Variants in SHISA9 observed in about 807,000 individuals in gnomAD.
SHISA9 encodes the protein protein shisa-9.
SHISA9 carries 13 observed loss-of-function variants against 38.0 expected under a neutral mutation model. The ratio of observed to expected loss-of-function variants is 0.34; its 90% CI spans 0.22 to 0.54. SHISA9 has a LOEUF of 0.54. Ranked by LOEUF, SHISA9 falls within the 20% of genes least tolerant of loss-of-function variation. The pLI, the probability that SHISA9 is intolerant of heterozygous loss-of-function variation, is 0.91. For synonymous variants in SHISA9, 275 were observed against 242.0 expected, an observed-to-expected ratio of 1.14 and a Z score of -1.27; for missense variants, 538 against 575.8, an observed-to-expected ratio of 0.93 and a Z score of 0.67.
chr16:12,963,408 T>TG (rs1162112095), intron 2 of SHISA9, among the ~76,000 whole-genome samples: 8 of 152,144 alleles, frequency 5.3e-5, no homozygotes, highest in Admixed American at 2.0e-4. Context: ...TAGCAAGAGA[T>TG]GTGACACAGA....
intron 1 of SHISA9, among the ~76,000 whole-genome samples, chr16:12,905,339 C>T (rs1332949342): frequency 6.6e-6 from 1 of 152,074 alleles, no homozygotes; most frequent in Non-Finnish European, 1.5e-5. Context: ...ATTGAATAAA[C>T]ATCAGGATCT....
chr16:13,520,569 C>T, the SHISA9 span, among the ~76,000 whole-genome samples: 4 of 140,020 alleles, frequency 2.9e-5, no homozygotes, highest in African/African-American at 1.1e-4. Flanking sequence ...CGCCATTGCA[C>T]TCCAGCCTGG....
the SHISA9 span, among the ~76,000 whole-genome samples, chr16:13,268,459 A>G: frequency 5.9e-5 from 9 of 152,314 alleles, no homozygotes; most frequent in East Asian, 9.7e-4. Context: ...CAGTGGGCCA[A>G]GATCGTGCCA....
At chr16:13,427,638 A>T in the SHISA9 span, among the ~76,000 whole-genome samples, 1 of 152,172 alleles carries the variant, frequency 6.6e-6, no homozygotes, top group Admixed American at 6.5e-5. Flanking sequence ...AGAACAGAGG[A>T]TAAGTTGGGA....
the SHISA9 span, among the ~76,000 whole-genome samples, chr16:13,434,967 CTTAA>C: frequency 6.6e-6 from 1 of 152,132 alleles, no homozygotes; most frequent in Non-Finnish European, 1.5e-5. Flanking sequence ...GCCTTTGGGG[CTTAA>C]TTAATAATCC....
At chr16:12,938,617 C>T (rs6498366) in intron 2 of SHISA9, among the ~76,000 whole-genome samples, 19,409 of 152,060 alleles carry the variant, frequency 0.13, 1,528 homozygotes, top group African/African-American at 0.22. Flanking sequence ...CCTGTCTCGG[C>T]CTCCTGAGTA....
chr16:12,925,883 GTAT>G (rs1353608396), intron 2 of SHISA9, among the ~76,000 whole-genome samples: 2 of 151,812 alleles, frequency 1.3e-5, no homozygotes, highest in South Asian at 2.1e-4. Context: ...GCTCTTTTTG[GTAT>G]TATTATTATT....
the SHISA9 span, among the ~76,000 whole-genome samples, chr16:13,248,111 C>T: frequency 5.3e-5 from 8 of 152,088 alleles, no homozygotes; most frequent in East Asian, 9.6e-4. Context: ...CAGCACCATG[C>T]GGGTCTTAAA....
chr16:13,348,201 C>G, the SHISA9 span, among the ~76,000 whole-genome samples: 1 of 152,110 alleles, frequency 6.6e-6, no homozygotes, highest in Admixed American at 6.5e-5. Flanking sequence ...ATTTCAGACT[C>G]TGGAATTTTC....
the SHISA9 span, among the ~76,000 whole-genome samples, chr16:13,454,648 G>A: frequency 0.028 from 4,234 of 152,272 alleles, 165 homozygotes; most frequent in East Asian, 0.21. Flanking sequence ...TCTAACACCT[G>A]TGCTTCACCT....
chr16:12,960,327 A>T (rs2071892371), intron 2 of SHISA9, among the ~76,000 whole-genome samples: 1 of 152,152 alleles, frequency 6.6e-6, no homozygotes, highest in Non-Finnish European at 1.5e-5. Context: ...CATGTGCAGG[A>T]TGTGCAGGTT....
intron 2 of SHISA9, among the ~76,000 whole-genome samples, chr16:13,078,604 C>T (rs1338763481): frequency 1.3e-5 from 2 of 152,048 alleles, no homozygotes; most frequent in East Asian, 3.9e-4. Context: ...TGGAGTTTTG[C>T]CATGTTGACC....
chr16:13,068,386 G>A (rs1596624240), intron 2 of SHISA9, among the ~76,000 whole-genome samples: 2 of 152,162 alleles, frequency 1.3e-5, no homozygotes, highest in African/African-American at 4.8e-5. Context: ...AAAATAAAAA[G>A]GTTCATAAAA....
At chr16:13,298,529 G>A in the SHISA9 span, among the ~76,000 whole-genome samples, 1 of 151,776 alleles carries the variant, frequency 6.6e-6, no homozygotes, top group Non-Finnish European at 1.5e-5. Context: ...ATTGTGTAGA[G>A]GAGGAAATCA....
chr16:12,902,730 C>A, intron 1 of SHISA9, 103 bp downstream of exon 1: 1 of 1,211,590 alleles, frequency 8.3e-7, no homozygotes, highest in Non-Finnish European at 1.1e-6. Context: ...CCCCGCTCCC[C>A]GCATCCCAGC....
chr16:13,085,505 C>T (rs868583038), intron 2 of SHISA9, among the ~76,000 whole-genome samples: 2 of 152,154 alleles, frequency 1.3e-5, no homozygotes, highest in Admixed American at 1.3e-4. Flanking sequence ...GCTAGGACTT[C>T]GCCTGTTTTA....
At chr16:13,363,058 T>C in the SHISA9 span, among the ~76,000 whole-genome samples, 8 of 152,282 alleles carry the variant, frequency 5.3e-5, no homozygotes, top group Admixed American at 1.3e-4. Context: ...AACTAGAAAA[T>C]GCTCGACCAT....
chr16:13,531,355 C>G, the SHISA9 span, among the ~76,000 whole-genome samples: 91 of 152,296 alleles, frequency 6.0e-4, no homozygotes, highest in South Asian at 2.7e-3. Context: ...AAAGTAACAG[C>G]TAACACTTCC....
At chr16:13,297,799 CA>C in the SHISA9 span, among the ~76,000 whole-genome samples, 1 of 152,068 alleles carries the variant, frequency 6.6e-6, no homozygotes, top group East Asian at 1.9e-4. Context: ...TCTTGTTGCC[CA>C]GGCTGGAGTG....
Sources: allele counts gnomAD v4.1 joint callset (sites outside exome capture counted in the v4.1 genomes callset), GRCh38; gene constraint gnomAD v4.1.1; transcripts MANE v1.5; gene names NCBI Gene and HGNC (gene_info 2026-07-23, HGNC 2026-07-21).